Variants in ZNF383 observed in about 807,000 individuals in gnomAD.
ZNF383 encodes zinc finger protein 383.
ZNF383 carries 32 observed loss-of-function variants against 44.2 expected under a neutral mutation model. The observed-to-expected ratio is 0.72, with a 90% CI of 0.55 to 0.97. ZNF383 has a LOEUF of 0.97. Ranked by LOEUF, ZNF383 falls within the 50% of genes least tolerant of loss-of-function variation. The probability of loss-of-function intolerance (pLI) is 0.00; values close to 1 mark genes in which losing one functional copy is unlikely to be tolerated. For synonymous variants in ZNF383, 155 were observed against 186.2 expected (o/e 0.83, Z 1.36); for missense variants, 487 against 562.5 (o/e 0.87, Z 1.36).
At chr19:37,222,334 G>A (rs1248753449) in intron 1 of ZNF383, among the ~76,000 whole-genome samples, 1 of 152,032 alleles carries the variant, frequency 6.6e-6, no homozygotes, top group Admixed American at 6.6e-5. Context: ...TGAATATAGT[G>A]AACACATTAT....
intron 1 of ZNF383, among the ~76,000 whole-genome samples, chr19:37,218,604 A>G (rs1972781715): frequency 6.6e-6 from 1 of 151,748 alleles, no homozygotes; most frequent in South Asian, 2.1e-4. Flanking sequence ...GTGTGGAGAG[A>G]ATCTGATGAG....
intron 2 of ZNF383, among the ~76,000 whole-genome samples, chr19:37,227,272 G>A (rs1171521807): frequency 4.6e-5 from 7 of 151,722 alleles, no homozygotes; most frequent in African/African-American, 1.7e-4. Context: ...GTACCACCAC[G>A]CCCGGCTAAT....
chr19:37,234,160 G>A (rs932875230), intron 3 of ZNF383, among the ~76,000 whole-genome samples: 6 of 151,618 alleles, frequency 4.0e-5, no homozygotes, highest in African/African-American at 9.7e-5. Flanking sequence ...CACCACGCAC[G>A]GCCCACATCT....
At chr19:37,223,894 G>A (rs1973038717) in intron 1 of ZNF383, among the ~76,000 whole-genome samples, 1 of 152,006 alleles carries the variant, frequency 6.6e-6, no homozygotes, top group Non-Finnish European at 1.5e-5. Context: ...AAGTAGCCAG[G>A]TATGGTGGCG....
chr19:37,234,670 A>T (rs551191432), intron 3 of ZNF383, among the ~76,000 whole-genome samples: 2 of 152,198 alleles, frequency 1.3e-5, no homozygotes, highest in Non-Finnish European at 2.9e-5. Flanking sequence ...GATTACAGGC[A>T]TGAGCCACCA....
At chr19:37,227,110 CTTTTTTT>C (rs35250551) in intron 2 of ZNF383, among the ~76,000 whole-genome samples, 1 of 92,022 alleles carries the variant, frequency 1.1e-5, no homozygotes, top group Non-Finnish European at 2.0e-5. Context: ...CCCAGCCAGG[CTTTTTTT>C]TTTTTTTTTT....
intron 1 of ZNF383, among the ~76,000 whole-genome samples, chr19:37,222,803 T>A (rs915461611): frequency 2.0e-5 from 3 of 152,196 alleles, no homozygotes; most frequent in African/African-American, 7.2e-5. Context: ...ATGAATGCAT[T>A]TGTCTTGGGT....
In ZNF383 at chr19:37,243,696, A is replaced by C. The variant is rs1974254385; in HGVS notation, c.*32A>C. 7.1e-7 allele frequency: 1 copy of C among 1,416,394 alleles called. No homozygotes were observed. Among genetic ancestry groups the C allele is most frequent in the Non-Finnish European group, 9.5e-7 (1 of 1,056,570 alleles). 87.7% of individuals were successfully genotyped at this position (1,416,394 alleles called of 1,614,324 possible). ...TTAAAGCCCCTGTCACCTTCCTCAT[A>C]TTTTAAACCAAAAATCATGTCTAAT... On this transcript the variant is annotated 3_prime_UTR_variant, in exon 6 of 6. Transcript: ENST00000684119.
Position 37,242,451 on chromosome 19 carries a change from C to T in ZNF383, c.233-18C>T. On this transcript the variant is annotated intron_variant, in intron 5 of 5. Transcript: ENST00000684119. ...ACAAATAGGAAAAAAGAACATTTAC[C>T]ATTTTATTTTCTTTCAGATCTGGAA... 3.4e-6 allele frequency: 5 copies of T among 1,460,522 alleles called. No homozygotes were observed. Among genetic ancestry groups the T allele is most frequent in the Middle Eastern group, 1.8e-4 (1 of 5,600 alleles). The allele number at this position is 1,460,522 out of a possible 1,614,324, so 90.5% of individuals were successfully genotyped here.
At chr19:37,233,933 C>G (rs1467565107) in intron 3 of ZNF383, among the ~76,000 whole-genome samples, 4 of 151,412 alleles carry the variant, frequency 2.6e-5, no homozygotes, top group Non-Finnish European at 5.9e-5. Context: ...GGCGCAATCT[C>G]TGCTCACTGC....
rs182627304 is a variant in ZNF383 at position 37,224,272 on chromosome 19, A to T, written c.-167-546A>T. ...TACAAAATGAATGTACAGTGAAGAA[A>T]ACTAACAAAGGCAAAAGCTTATTTT... On this transcript the variant is annotated intron_variant, in intron 1 of 5. Coordinates refer to ENST00000684119, the MANE Select transcript of ZNF383 (RefSeq NM_001387601.1). Among the ~76,000 whole-genome samples the T allele has an allele frequency of 1.2e-3, 184 of 152,314 alleles. 1 individual carries two copies. The highest frequency in any genetic ancestry group is 9.6e-4 in the Non-Finnish European group (65 of 68,034).
Position 37,236,934 on chromosome 19 carries a change from C to T in ZNF383, c.232+860C>T, listed in dbSNP as rs894092317. Among the ~76,000 whole-genome samples, 22 of 148,272 alleles carry T rather than the reference C, an allele frequency of 1.5e-4. 1 individual carries two copies. Among genetic ancestry groups the T allele is most frequent in the Middle Eastern group, 6.9e-3 (2 of 288 alleles). The stretch of plus-strand genomic sequence containing the variant: ...ACCACTCCCCAAAATAATATAATTG[C>T]GTCTGTATACACACATGTGAACACA... On this transcript the variant is annotated intron_variant, in intron 5 of 5. Transcript: ENST00000684119.
chr19:37,228,760 C>CT (rs1446787814), intron 2 of ZNF383, among the ~76,000 whole-genome samples: 8 of 151,836 alleles, frequency 5.3e-5, no homozygotes, highest in Admixed American at 2.6e-4. Context: ...CGAGTTTATT[C>CT]TTTTTGTCTT....
At chr19:37,232,005 A>G (rs1419919708) in intron 3 of ZNF383, among the ~76,000 whole-genome samples, 1 of 152,170 alleles carries the variant, frequency 6.6e-6, no homozygotes, top group Non-Finnish European at 1.5e-5. Context: ...TTTTGGTCAG[A>G]TAAATTATTG....
In ZNF383 at chr19:37,244,211, G is replaced by A. The variant is rs1287283542; in HGVS notation, c.*547G>A. The A allele has an allele frequency of 6.6e-6, 1 of 152,132 alleles. No homozygotes were observed. Among genetic ancestry groups the A allele is most frequent in the Non-Finnish European group, 1.5e-5 (1 of 68,140 alleles). The allele number at this position is 152,132 out of a possible 1,614,324, so 9.4% of individuals were successfully genotyped here. A position where few individuals can be genotyped will look rare whatever the true frequency, so the allele number is the denominator to read the frequency against. ...CAATTCTCCTGCCTCAGACTCCTGA[G>A]TAGCTGGGATCACAGGCGTGTGCCA... On this transcript the variant is annotated 3_prime_UTR_variant, in exon 6 of 6. Coordinates refer to ENST00000684119, the MANE Select transcript of ZNF383 (RefSeq NM_001387601.1).
intron 2 of ZNF383, among the ~76,000 whole-genome samples, chr19:37,226,018 C>T (rs1414131785): frequency 6.8e-6 from 1 of 148,116 alleles, no homozygotes; most frequent in Non-Finnish European, 1.5e-5. Flanking sequence ...CCAGGATGGT[C>T]TCGATCTCCT....
At chr19:37,220,158 T>C (rs1192422702) in intron 1 of ZNF383, among the ~76,000 whole-genome samples, 1 of 152,270 alleles carries the variant, frequency 6.6e-6, no homozygotes, top group Non-Finnish European at 1.5e-5. Flanking sequence ...TGGAATCTTA[T>C]GACATTTACC....
intron 2 of ZNF383, among the ~76,000 whole-genome samples, chr19:37,227,110 C>CG (rs745370259): frequency 4.3e-5 from 4 of 92,022 alleles, no homozygotes; most frequent in Non-Finnish European, 7.9e-5. Context: ...CCCAGCCAGG[C>CG]TTTTTTTTTT....
chr19:37,240,778 C>T (rs1251005519), intron 5 of ZNF383, among the ~76,000 whole-genome samples: 2 of 152,112 alleles, frequency 1.3e-5, no homozygotes, highest in Non-Finnish European at 1.5e-5. Flanking sequence ...TGTCTCTTCC[C>T]TCATGTGAAT....
Sources: gnomAD v4.1 joint callset for allele counts (sites outside exome capture counted in the v4.1 genomes callset) on GRCh38, gnomAD v4.1.1 for gene constraint, MANE v1.5 for transcripts, NCBI Gene and HGNC (gene_info 2026-07-23, HGNC 2026-07-21) for gene names.